The following NELL2 variants were observed in gnomAD, a reference collection of about 807,000 sequenced individuals.
NELL2 encodes protein kinase C-binding protein NELL2.
In NELL2, 41 loss-of-function variants were observed where a neutral mutation model predicts 109.6. That is an observed-to-expected ratio of 0.37 (90% CI 0.29 to 0.49). The LOEUF (loss-of-function observed/expected upper bound fraction) is 0.49. Among genes scored for constraint, NELL2 ranks in the 20% least tolerant of loss-of-function variants. NELL2 has a pLI of 0.98. For missense variants in NELL2, 900 were observed against 1,008.3 expected, an observed-to-expected ratio of 0.89 and a Z score of 1.45; for synonymous variants, 355 against 344.7, an observed-to-expected ratio of 1.03 and a Z score of -0.33.
At chr12:44,866,020 G>A (rs1944990080) in intron 2 of NELL2, among the ~76,000 whole-genome samples, 1 of 152,058 alleles carries the variant, frequency 6.6e-6, no homozygotes, top group Non-Finnish European at 1.5e-5. Flanking sequence ...TCATGAATAA[G>A]ATTAATGGTC....
At chr12:44,720,858 T>A (rs1938733915) in intron 9 of NELL2, among the ~76,000 whole-genome samples, 1 of 152,188 alleles carries the variant, frequency 6.6e-6, no homozygotes, top group Non-Finnish European at 1.5e-5. Flanking sequence ...ATATACACCA[T>A]GTCCTTGGGC....
At chr12:44,814,889 A>C (rs1332547950) in intron 3 of NELL2, among the ~76,000 whole-genome samples, 1 of 152,186 alleles carries the variant, frequency 6.6e-6, no homozygotes, top group Non-Finnish European at 1.5e-5. Context: ...AAATAAAGAG[A>C]TTTATACCCA....
chr12:44,595,983 G>C (rs1944948713), intron 15 of NELL2, among the ~76,000 whole-genome samples: 1 of 152,116 alleles, frequency 6.6e-6, no homozygotes, highest in South Asian at 2.1e-4. Flanking sequence ...TATAGCTCTA[G>C]AATTCATTCT....
chr12:44,646,053 C>T (rs944063474), intron 13 of NELL2, among the ~76,000 whole-genome samples: 12 of 151,926 alleles, frequency 7.9e-5, no homozygotes, highest in Non-Finnish European at 1.6e-4. Context: ...ATTATAAAGT[C>T]TGCAAGGGTA....
chr12:44,807,522 A>G (rs1174025610), intron 3 of NELL2, among the ~76,000 whole-genome samples: 1 of 151,938 alleles, frequency 6.6e-6, no homozygotes, highest in Non-Finnish European at 1.5e-5. Flanking sequence ...TTTAGACGTC[A>G]ATGTTTTAAA....
At chr12:44,663,819 C>T (rs575231268) in intron 13 of NELL2, among the ~76,000 whole-genome samples, 1 of 152,294 alleles carries the variant, frequency 6.6e-6, no homozygotes, top group East Asian at 1.9e-4. Flanking sequence ...AGAAATACTC[C>T]TTACTCAACA....
chr12:44,811,337 TAAA>T (rs10683929), intron 3 of NELL2, among the ~76,000 whole-genome samples: 2 of 103,210 alleles, frequency 1.9e-5, no homozygotes, highest in East Asian at 2.8e-4. Flanking sequence ...GAACTAAAAG[TAAA>T]AAAAAAAAAA....
In NELL2 at chr12:44,899,500, A is replaced by G. The variant is rs560316633; in HGVS notation, c.38+14299T>C. ...AAGAATTTTCCACCCAGAATTTTAT[A>G]TCCAACCAAACTAAGCTTCAAAAGC... On this transcript the variant is annotated intron_variant, in intron 1 of 20. Coordinates refer to the NELL2 transcript ENST00000333837. 1.5e-4 allele frequency among the ~76,000 whole-genome samples: 23 copies of G among 152,332 alleles called. 1 individual carries two copies. In the South Asian group the frequency reaches 4.6e-3, roughly 30 times the overall value.
At chr12:44,650,730 G>A (rs1947271353) in intron 13 of NELL2, among the ~76,000 whole-genome samples, 1 of 150,614 alleles carries the variant, frequency 6.6e-6, no homozygotes, top group Non-Finnish European at 1.5e-5. Context: ...GTCCTTATAA[G>A]AAGAGATACC....
rs144662358 is a variant in NELL2 at position 44,844,090 on chromosome 12, A to G, written c.185-27954T>C. The stretch of plus-strand genomic sequence containing the variant: ...TGGAGGGATGGAATGCTGTGACTTC[A>G]TGTGGCAAAAGGTGAAAGGGCAAAA... On this transcript the variant is annotated intron_variant, in intron 2 of 19. Transcript: ENST00000429094. 6.4e-3 allele frequency among the ~76,000 whole-genome samples: 971 copies of G among 152,328 alleles called. 13 individuals carry two copies. The highest frequency in any genetic ancestry group is 0.022 in the African/African-American group (923 of 41,586).
chr12:44,567,882 T>G (rs1211371119), intron 15 of NELL2, among the ~76,000 whole-genome samples: 4 of 152,114 alleles, frequency 2.6e-5, no homozygotes, highest in Non-Finnish European at 5.9e-5. Context: ...CTGTAGGCAT[T>G]TGATAAGGAA....
intron 9 of NELL2, among the ~76,000 whole-genome samples, chr12:44,733,556 G>C (rs1054678758): frequency 1.3e-5 from 2 of 151,850 alleles, no homozygotes; most frequent in African/African-American, 4.8e-5. Context: ...GGCGCTAGGA[G>C]GAGAAGAAAA....
rs988330674 is a variant in NELL2, at chr12:44,920,049, A to C, written c.-32+1741T>G. ...TTTAAGCACGAATTTTAAGGTTAGA[A>C]ACTGGAGAGCTTTTCAAAGGAAAGA... is the stretch of plus-strand genomic sequence containing the variant. On this transcript the variant is annotated intron_variant, in intron 1 of 9. Transcript: ENST00000552993. Among the ~76,000 whole-genome samples the C allele has an allele frequency of 1.1e-4, 17 of 152,326 alleles. No homozygotes were observed. The East Asian group carries it at 3.1e-3, about 28-fold the overall frequency.
chr12:44,809,032 C>A (rs1943091082), intron 3 of NELL2, among the ~76,000 whole-genome samples: 1 of 151,940 alleles, frequency 6.6e-6, no homozygotes, highest in Non-Finnish European at 1.5e-5. Flanking sequence ...TGGATATCAG[C>A]AAAATTCCTA....
In NELL2 at chr12:44,508,789, A is replaced by G. The variant is rs1393961084; in HGVS notation, c.*145T>C. 8.6e-6 allele frequency: 6 copies of G among 696,656 alleles called. No homozygotes were observed. The highest frequency in any genetic ancestry group is 1.5e-5 in the Non-Finnish European group (6 of 409,984). 43.2% of individuals were successfully genotyped at this position (696,656 alleles called of 1,614,324 possible). A position where few individuals can be genotyped will look rare whatever the true frequency, so the allele number is the denominator to read the frequency against. On this transcript the variant is annotated 3_prime_UTR_variant, in exon 20 of 20. Transcript: ENST00000429094. ...CTTTTGTGATTTTGTCAAGCTCCAC[A>G]AATTTCATAATTGAAAGTTCACTCA...
At chr12:44,670,808 T>C (rs1948113584) in intron 12 of NELL2, among the ~76,000 whole-genome samples, 1 of 152,054 alleles carries the variant, frequency 6.6e-6, no homozygotes, top group Non-Finnish European at 1.5e-5. Context: ...ATAAAGAAAA[T>C]ACTATTATAG....
rs144898873 is a variant in NELL2, at chr12:44,508,757, A to G, written c.*177T>C. On this transcript the variant is annotated 3_prime_UTR_variant, in exon 20 of 20. Transcript: ENST00000429094. ...ACTTGAGGTCTAATTTTGCCCCAGT[A>G]ATTTTCCTTTTGTGATTTTGTCAAG... 1.4e-4 allele frequency: 88 copies of G among 613,996 alleles called. No homozygotes were observed. Among genetic ancestry groups the G allele is most frequent in the Non-Finnish European group, 2.4e-4 (82 of 342,786 alleles). The allele number at this position is 613,996 out of a possible 1,614,324, so 38.0% of individuals were successfully genotyped here. A position where few individuals can be genotyped will look rare whatever the true frequency, so the allele number is the denominator to read the frequency against.
At chr12:44,519,906 A>C in intron 19 of NELL2, 99 bp downstream of exon 19, 4 of 1,101,592 alleles carry the variant, frequency 3.6e-6, no homozygotes, top group Non-Finnish European at 5.2e-6. Context: ...CAGGAAAAAA[A>C]AAAAAAACCT....
At chr12:44,513,535 C>G (rs997694856) in intron 19 of NELL2, among the ~76,000 whole-genome samples, 1 of 151,728 alleles carries the variant, frequency 6.6e-6, no homozygotes, top group Non-Finnish European at 1.5e-5. Context: ...AAGATACAGT[C>G]ATAATGAATG....
Sources: gnomAD v4.1 joint callset for allele counts (sites outside exome capture counted in the v4.1 genomes callset) on GRCh38, gnomAD v4.1.1 for gene constraint, MANE v1.5 for transcripts, NCBI Gene and HGNC (gene_info 2026-07-23, HGNC 2026-07-21) for gene names.